CIT: variants seen among roughly 807,000 people sequenced by gnomAD.
The protein encoded by CIT is citron rho-interacting serine/threonine kinase.
A neutral mutation model predicts 272.7 loss-of-function variants in CIT; 79 were observed. The ratio of observed to expected loss-of-function variants is 0.29; its 90% CI spans 0.24 to 0.35. CIT has a LOEUF of 0.35. CIT is among the 10% of genes least tolerant of loss of function. The probability of loss-of-function intolerance (pLI) is 1.00; values close to 1 mark genes in which losing one functional copy is unlikely to be tolerated. For missense variants in CIT, 1,909 were observed against 2,618.3 expected (o/e 0.73, Z 5.91); for synonymous variants, 948 against 995.6 (o/e 0.95, Z 0.90).
chr12:119,829,853 A>C (rs1319244240), intron 7 of CIT, among the ~76,000 whole-genome samples: 1 of 152,180 alleles, frequency 6.6e-6, no homozygotes, highest in Non-Finnish European at 1.5e-5. Flanking sequence ...AACTGAACAG[A>C]TCTAAGATTC....
At chr12:119,705,211 C>A (rs767207649) in intron 40 of CIT, among the ~76,000 whole-genome samples, 1 of 152,194 alleles carries the variant, frequency 6.6e-6, no homozygotes, top group Non-Finnish European at 1.5e-5. Flanking sequence ...CCACACCCGG[C>A]CCACATTTAG....
In CIT at chr12:119,857,443, G is replaced by A. The variant is rs1391191201; in HGVS notation, c.414+80C>T. 1.2e-5 allele frequency: 17 copies of A among 1,415,200 alleles called. No individual in the cohort carries two copies. The East Asian group carries it at 1.8e-4, about 15-fold the overall frequency. The allele number at this position is 1,415,200 out of a possible 1,614,324, so 87.7% of individuals were successfully genotyped here. A position where few individuals can be genotyped will look rare whatever the true frequency, so the allele number is the denominator to read the frequency against. Reference sequence around the variant, plus strand: ...GAGGAAAACGTGCTTGATCCTAGACGCCAGTGCAGCAGATTATCGTCTTTG... The same window carrying A: ...GAGGAAAACGTGCTTGATCCTAGACACCAGTGCAGCAGATTATCGTCTTTG... On this transcript the variant is annotated intron_variant, in intron 4 of 47. Coordinates refer to ENST00000392521, the MANE Select transcript of CIT (RefSeq NM_001206999.2).
chr12:119,772,424 A>C (rs543808828), intron 17 of CIT, among the ~76,000 whole-genome samples: 90 of 152,270 alleles, frequency 5.9e-4, no homozygotes, highest in African/African-American at 2.1e-3. Flanking sequence ...AATATCGTGG[A>C]GGGGAAAGGC....
intron 26 of CIT, among the ~76,000 whole-genome samples, chr12:119,731,119 T>C (rs113037111): frequency 0.065 from 9,874 of 151,570 alleles, 539 homozygotes; most frequent in African/African-American, 0.15. Context: ...AGAGCAAGAC[T>C]CGGTCTCAAA....
rs1294611804 is a variant in CIT, at chr12:119,760,994, T to C, written c.2366A>G (p.Gln789Arg). The C allele has an allele frequency of 6.2e-7, 1 of 1,614,220 alleles. No homozygotes were observed. Among genetic ancestry groups the C allele is most frequent in the Non-Finnish European group, 8.5e-7 (1 of 1,180,022 alleles). The change falls in exon 20 of 48, where the codon CAG (glutamine) becomes CGG (arginine). Residue 789 changes from glutamine (Q) to arginine (R), a missense_variant. By Grantham distance (43) the Gln-to-Arg change is conservative (BLOSUM62 1). Coordinates refer to ENST00000392521, the MANE Select transcript of CIT (RefSeq NM_001206999.2). ...CTCATGGGCCTCCTCCTCGTGTCTC[T>C]GCATCATGTTCTCCAGTGTCTCCTT... ...ADKETLENMM[Q>R]RHEEEAHEKG...
chr12:119,862,942 C>G (rs1950401970), intron 3 of CIT, among the ~76,000 whole-genome samples: 2 of 146,232 alleles, frequency 1.4e-5, no homozygotes, highest in African/African-American at 5.1e-5. Flanking sequence ...TGACTCACAC[C>G]TGTAATCTCA....
At chr12:119,799,260 T>A in intron 10 of CIT, among the ~76,000 whole-genome samples, 1 of 152,100 alleles carries the variant, frequency 6.6e-6, no homozygotes, top group South Asian at 2.1e-4. Context: ...ATAACAAAAA[T>A]AACAACAGTG....
intron 3 of CIT, among the ~76,000 whole-genome samples, chr12:119,867,479 C>T (rs1452769591): frequency 5.3e-5 from 8 of 152,188 alleles, no homozygotes; most frequent in Non-Finnish European, 7.3e-5. Context: ...TGAGCCACCG[C>T]GCCCAGCCAC....
At chr12:119,800,680 G>A (rs1966115784) in intron 10 of CIT, among the ~76,000 whole-genome samples, 1 of 152,194 alleles carries the variant, frequency 6.6e-6, no homozygotes, top group Non-Finnish European at 1.5e-5. Flanking sequence ...ATAAAAACCT[G>A]TGATGCTGAA....
intron 3 of CIT, among the ~76,000 whole-genome samples, chr12:119,865,565 C>G (rs1950489506): frequency 6.6e-6 from 1 of 152,190 alleles, no homozygotes; most frequent in East Asian, 1.9e-4. Flanking sequence ...TCCAACACAG[C>G]CTCATTAGAT....
rs576650019 is a variant in CIT at position 119,874,393 on chromosome 12, T to C, written c.96+1680A>G. On this transcript the variant is annotated intron_variant, in intron 2 of 47. Transcript: ENST00000392521. ...GAATAGCAAATGGACTCAGAAAAGGTAACTGACTCACCCAAAGTAATGCAG... is the reference window on the plus strand; with the variant it reads ...GAATAGCAAATGGACTCAGAAAAGGCAACTGACTCACCCAAAGTAATGCAG... Among the ~76,000 whole-genome samples the C allele has an allele frequency of 2.0e-5, 3 of 152,204 alleles. No individual in the cohort carries two copies. In the East Asian group the frequency reaches 5.8e-4, roughly 29 times the overall value.
At position 119,804,116 on chromosome 12, in the gene CIT, T is replaced by G. The variant is rs1966438988; in HGVS notation, c.1112-727A>C. On this transcript the variant is annotated intron_variant, in intron 9 of 47. Transcript: ENST00000392521. This position sits in a 1 kb window ranked among gnomAD's most constrained non-coding sequence, Gnocchi z 5.3. ...TCCTACCGGTGATCTACAGCACCCC[T>G]GCGCGCTGACGGTGGGAATGCACGG... 1.0e-5 allele frequency: 10 copies of G among 966,622 alleles called. No homozygotes were observed. The highest frequency in any genetic ancestry group is 1.2e-5 in the Non-Finnish European group (10 of 812,748). The allele number at this position is 966,622 out of a possible 1,614,324, so 59.9% of individuals were successfully genotyped here.
chr12:119,830,104 C>T (rs552028946), intron 7 of CIT, among the ~76,000 whole-genome samples: 1 of 149,548 alleles, frequency 6.7e-6, no homozygotes, highest in East Asian at 1.9e-4. Context: ...TATATCCACA[C>T]TTGACTTGAT....
intron 46 of CIT, among the ~76,000 whole-genome samples, chr12:119,697,000 G>GT (rs1296477529): frequency 6.6e-6 from 1 of 152,152 alleles, no homozygotes; most frequent in Non-Finnish European, 1.5e-5. Context: ...ATCAATGGCT[G>GT]TTTGAGTCCA....
At chr12:119,825,086 C>T (rs1281719937) in intron 8 of CIT, 79 bp downstream of exon 8, 2 of 1,293,702 alleles carry the variant, frequency 1.5e-6, no homozygotes, top group East Asian at 4.7e-5. Context: ...AGGCATGAGC[C>T]ACCACGCCCA....
Position 119,825,158 on chromosome 12 carries a change from T to G in CIT, c.957+7A>C. 1 of 1,611,174 alleles carries G rather than the reference T, an allele frequency of 6.2e-7. No individual in the cohort carries two copies. Among genetic ancestry groups the G allele is most frequent in the Non-Finnish European group, 8.5e-7 (1 of 1,178,278 alleles). On this transcript the variant is annotated splice_region_variant and intron_variant, in intron 8 of 47. Coordinates refer to ENST00000392521, the MANE Select transcript of CIT (RefSeq NM_001206999.2). ...TGTGACTTCGAAATCTTCTAAGGAC[T>G]CTTTACCTGGAAATTCATAATGTTA...
At chr12:119,705,337 A>T (rs1956814690) in intron 40 of CIT, among the ~76,000 whole-genome samples, 1 of 152,176 alleles carries the variant, frequency 6.6e-6, no homozygotes, top group Non-Finnish European at 1.5e-5. Flanking sequence ...GTCTCCTGCT[A>T]CAACCAGATG....
rs1962548322 is a variant in CIT, at chr12:119,767,200, G to A, written c.2209-18C>T. On this transcript the variant is annotated intron_variant, in intron 18 of 47. Coordinates refer to ENST00000392521, the MANE Select transcript of CIT (RefSeq NM_001206999.2). ...TCGAGCTCCTAGACACAAAAGAAAA[G>A]ACAGTCAGGTGTGCAGAGGGCAGGA... 1 of 1,593,320 alleles carries A rather than the reference G, an allele frequency of 6.3e-7. No homozygotes were observed. Among genetic ancestry groups the A allele is most frequent in the South Asian group, 1.1e-5 (1 of 87,202 alleles).
chr12:119,850,316 G>C, intron 4 of CIT, 41 bp from the exon 5 acceptor site: 1 of 1,312,106 alleles, frequency 7.6e-7, no homozygotes. Context: ...ATAAAGAACT[G>C]TGAGAGGAAA....
Sources: allele counts gnomAD v4.1 joint callset (sites outside exome capture counted in the v4.1 genomes callset), GRCh38; gene constraint gnomAD v4.1.1; non-coding constraint Gnocchi (gnomAD v3.1); transcripts MANE v1.5; gene names NCBI Gene and HGNC (gene_info 2026-07-23, HGNC 2026-07-21).